The following SLC8A1 variants were observed in gnomAD, a reference collection of about 807,000 sequenced individuals.
SLC8A1 encodes solute carrier family 8 member A1.
Under a neutral mutation model 68.3 loss-of-function variants are expected in SLC8A1, and 18 were observed. That is an observed-to-expected ratio of 0.26 (90% confidence interval 0.18 to 0.39). SLC8A1 has a LOEUF of 0.39. SLC8A1 is among the 10% of genes least tolerant of loss of function. The pLI is 1.00. For missense variants in SLC8A1, 985 were observed against 1,156.7 expected (o/e 0.85, Z 2.15); for synonymous variants, 475 against 415.5 (o/e 1.14, Z -1.74).
At chr2:40,461,368 C>G (rs1322421757) in intron 1 of SLC8A1, among the ~76,000 whole-genome samples, 2 of 152,064 alleles carry the variant, frequency 1.3e-5, no homozygotes, top group East Asian at 3.9e-4. Flanking sequence ...ACAATGCACC[C>G]CCTGATCCTT....
At chr2:40,451,215 T>C (rs996250460) in intron 1 of SLC8A1, among the ~76,000 whole-genome samples, 1 of 152,086 alleles carries the variant, frequency 6.6e-6, no homozygotes, top group African/African-American at 2.4e-5. Flanking sequence ...AGCTGCAAAG[T>C]TCCCTTCCAA....
At chr2:40,156,642 C>A (rs1227388679) in intron 6 of SLC8A1, among the ~76,000 whole-genome samples, 1 of 151,170 alleles carries the variant, frequency 6.6e-6, no homozygotes, top group African/African-American at 2.4e-5. Context: ...GGAACTTGTG[C>A]ACTGGACTAT....
intron 2 of SLC8A1, among the ~76,000 whole-genome samples, chr2:40,349,093 A>T (rs1448671313): frequency 6.6e-6 from 1 of 152,184 alleles, no homozygotes; most frequent in South Asian, 2.1e-4. Flanking sequence ...GCCCATTCTC[A>T]TTCTTCAGGG....
intron 2 of SLC8A1, among the ~76,000 whole-genome samples, chr2:40,253,025 A>C (rs1270990357): frequency 1.0e-5 from 1 of 97,988 alleles, no homozygotes; most frequent in Non-Finnish European, 2.8e-5. Context: ...GTATATATGT[A>C]TATACATATG....
intron 2 of SLC8A1, among the ~76,000 whole-genome samples, chr2:40,205,617 G>C (rs1465371365): frequency 1.3e-5 from 2 of 151,946 alleles, no homozygotes; most frequent in Non-Finnish European, 2.9e-5. Context: ...TGGACACACA[G>C]AGGGGAACAA....
chr2:40,163,745 C>T (rs886469994), intron 5 of SLC8A1, among the ~76,000 whole-genome samples: 12 of 152,056 alleles, frequency 7.9e-5, no homozygotes, highest in African/African-American at 2.2e-4. Context: ...TTCTCAGTGG[C>T]CTAAAGGAAA....
At chr2:40,224,077 A>C (rs1282044235) in intron 2 of SLC8A1, among the ~76,000 whole-genome samples, 1 of 152,134 alleles carries the variant, frequency 6.6e-6, no homozygotes, top group Non-Finnish European at 1.5e-5. Flanking sequence ...AAAGGCCTGG[A>C]ATGTTCGCTT....
chr2:40,478,428 A>G (rs1200279584), intron 1 of SLC8A1, among the ~76,000 whole-genome samples: 1 of 152,188 alleles, frequency 6.6e-6, no homozygotes, highest in Non-Finnish European at 1.5e-5. Context: ...GTCCTAACAA[A>G]TTGCAATATG....
chr2:40,496,134 C>G (rs1474547779), intron 1 of SLC8A1, among the ~76,000 whole-genome samples: 1 of 152,058 alleles, frequency 6.6e-6, no homozygotes, highest in African/African-American at 2.4e-5. Context: ...TGCAAGAATA[C>G]AAAGCCCAAA....
rs1576629390 is a variant in SLC8A1, at chr2:40,471,880, TAAAG to T, written c.-25+40465_-25+40468del. On this transcript the variant is annotated intron_variant, in intron 1 of 7. Coordinates refer to the SLC8A1 transcript ENST00000402441. ...ATTTCTATATCATGCTGGCAAATCT[TAAAG>T]AAGTAAGAAATTTAAAATATGTTCA... Among the ~76,000 whole-genome samples, 3 of 152,304 alleles carry T rather than the reference TAAAG, an allele frequency of 2.0e-5. 1 individual carries two copies. Among genetic ancestry groups the T allele is most frequent in the South Asian group, 4.1e-4 (2 of 4,832 alleles).
At chr2:40,143,373 G>A (rs974020887) in intron 6 of SLC8A1, among the ~76,000 whole-genome samples, 13 of 152,072 alleles carry the variant, frequency 8.5e-5, no homozygotes, top group Non-Finnish European at 1.3e-4. Context: ...CCTGTTCTGT[G>A]GTTCTGTATG....
chr2:40,298,361 T>A (rs2070807709), intron 2 of SLC8A1, among the ~76,000 whole-genome samples: 1 of 152,190 alleles, frequency 6.6e-6, no homozygotes, highest in Admixed American at 6.5e-5. Flanking sequence ...TTTCCCTAAA[T>A]GGATTTGGTT....
intron 2 of SLC8A1, among the ~76,000 whole-genome samples, chr2:40,209,537 G>C (rs2056181506): frequency 6.6e-6 from 1 of 152,076 alleles, no homozygotes; most frequent in African/African-American, 2.4e-5. Flanking sequence ...GCAGAGAAGG[G>C]ATATAACTTG....
chr2:40,213,202 C>A (rs1038332175), intron 2 of SLC8A1: 1 of 152,044 alleles, frequency 6.6e-6, no homozygotes, highest in African/African-American at 2.4e-5. Flanking sequence ...ATATGAGTAC[C>A]CACAGATAAT....
At chr2:40,367,004 T>A (rs979699374) in intron 2 of SLC8A1, among the ~76,000 whole-genome samples, 2 of 152,002 alleles carry the variant, frequency 1.3e-5, no homozygotes, top group Admixed American at 1.3e-4. Context: ...ACCTTCAGCA[T>A]CTGATTTTTA....
rs185356550 is a variant in SLC8A1 at position 40,386,675 on chromosome 2, A to G, written c.1808+41798T>C. ...AGTTAAGTTTCCAAGTATATTATTA[A>G]TAAATAATTGTAGGAAAAGTCAGTA... On this transcript the variant is annotated intron_variant, in intron 2 of 7. Transcript: ENST00000406785. Among the ~76,000 whole-genome samples the G allele has an allele frequency of 1.5e-4, 22 of 150,834 alleles. No homozygotes were observed. In the East Asian group the frequency reaches 2.5e-3, roughly 17 times the overall value.
intron 2 of SLC8A1, among the ~76,000 whole-genome samples, chr2:40,302,794 T>C (rs1036085742): frequency 6.6e-6 from 1 of 152,272 alleles, no homozygotes; most frequent in East Asian, 1.9e-4. Context: ...GTTCCACTTT[T>C]AGTTATTTAA....
intron 1 of SLC8A1, among the ~76,000 whole-genome samples, chr2:40,433,024 C>A (rs376509358): frequency 6.6e-6 from 1 of 152,124 alleles, no homozygotes; most frequent in African/African-American, 2.4e-5. Flanking sequence ...AACATAAACA[C>A]TGAAGGGAGA....
At chr2:40,454,480 CTTTTTTT>C (rs543088073), upstream of SLC8A1, among the ~76,000 whole-genome samples, 2 of 119,540 alleles carry the variant, frequency 1.7e-5, no homozygotes, top group African/African-American at 3.1e-5. Context: ...TGTCTTAAGA[CTTTTTTT>C]TTTTTTTTTT....
Sources: gnomAD v4.1 joint callset for allele counts (sites outside exome capture counted in the v4.1 genomes callset) on GRCh38, gnomAD v4.1.1 for gene constraint, MANE v1.5 for transcripts, NCBI Gene and HGNC (gene_info 2026-07-23, HGNC 2026-07-21) for gene names.